Variants in SPATS2 observed in about 807,000 individuals in gnomAD.
SPATS2 encodes spermatogenesis associated serine rich 2, also known as spermatogenesis-associated serine-rich protein 2.
A neutral mutation model predicts 63.7 loss-of-function variants in SPATS2; 38 were observed. That is an observed-to-expected ratio of 0.60 (90% CI 0.46 to 0.78). SPATS2 has a LOEUF of 0.78. Ranked by LOEUF, SPATS2 falls within the 30% of genes least tolerant of loss-of-function variation. SPATS2 has a pLI of 0.00. For synonymous variants in SPATS2, 207 were observed against 232.9 expected (o/e 0.89, Z 1.01); for missense variants, 588 against 666.2 (o/e 0.88, Z 1.29).
At chr12:49,488,520 TG>T (rs1204222342) in intron 4 of SPATS2, among the ~76,000 whole-genome samples, 1 of 151,950 alleles carries the variant, frequency 6.6e-6, no homozygotes, top group African/African-American at 2.4e-5. Context: ...TAGCTGGACG[TG>T]GTGGCACATG....
chr12:49,493,458 G>A (rs1946417386), intron 6 of SPATS2, among the ~76,000 whole-genome samples: 1 of 149,810 alleles, frequency 6.7e-6, no homozygotes, highest in African/African-American at 2.5e-5. Flanking sequence ...CTGGAGTGCA[G>A]TGGTGCAAGC....
chr12:49,510,966 C>T (rs12311319), intron 9 of SPATS2, among the ~76,000 whole-genome samples: 2,047 of 152,214 alleles, frequency 0.013, 47 homozygotes, highest in African/African-American at 0.046. Context: ...TGCCTGTAAT[C>T]CCAGGCAGGC....
At chr12:49,391,683 C>G (rs1411299076) in intron 2 of SPATS2, among the ~76,000 whole-genome samples, 1 of 152,020 alleles carries the variant, frequency 6.6e-6, no homozygotes, top group African/African-American at 2.4e-5. Flanking sequence ...ATATATTATA[C>G]TCATTTATAT....
chr12:49,388,954 A>G (rs189443036), intron 2 of SPATS2, among the ~76,000 whole-genome samples: 1 of 152,224 alleles, frequency 6.6e-6, no homozygotes, highest in African/African-American at 2.4e-5. Flanking sequence ...TTGGCCTACG[A>G]AAGTGCTGGG....
At chr12:49,470,272 T>C (rs1468289649) in intron 3 of SPATS2, among the ~76,000 whole-genome samples, 1 of 152,164 alleles carries the variant, frequency 6.6e-6, no homozygotes, top group Non-Finnish European at 1.5e-5. Flanking sequence ...CCTCAGGAGA[T>C]CCTCCTGCCT....
intron 9 of SPATS2, among the ~76,000 whole-genome samples, chr12:49,503,065 A>G (rs1321274583): frequency 6.6e-6 from 1 of 152,226 alleles, no homozygotes; most frequent in Admixed American, 6.5e-5. Flanking sequence ...TAGAAAATAA[A>G]GAGCTGGCTG....
At chr12:49,512,047 T>C (rs1172643806) in intron 9 of SPATS2, among the ~76,000 whole-genome samples, 1 of 152,236 alleles carries the variant, frequency 6.6e-6, no homozygotes, top group East Asian at 1.9e-4. Context: ...TAAAAATAGG[T>C]CATTCTTCTA....
At chr12:49,382,627 G>C (rs1236075563) in intron 2 of SPATS2, among the ~76,000 whole-genome samples, 2 of 152,170 alleles carry the variant, frequency 1.3e-5, no homozygotes, top group Non-Finnish European at 2.9e-5. Flanking sequence ...AGTAACCTCT[G>C]TTATAAGCCT....
In SPATS2 at chr12:49,450,301, G is replaced by A. The variant is rs372881581; in HGVS notation, c.-243-10469G>A. Among the ~76,000 whole-genome samples the A allele has an allele frequency of 1.3e-4, 20 of 151,600 alleles. 1 individual carries two copies. The East Asian group carries it at 2.3e-3, about 18-fold the overall frequency. On this transcript the variant is annotated intron_variant, in intron 2 of 13. Transcript: ENST00000552918. Reference sequence around the variant, plus strand: ...GTCTCGCTCTTTTGCCCAGGCTGGCGTGCAGTGGCACCATATCGGCTCACT... The same window carrying A: ...GTCTCGCTCTTTTGCCCAGGCTGGCATGCAGTGGCACCATATCGGCTCACT...
chr12:49,479,165 G>A (rs941714680), intron 3 of SPATS2, among the ~76,000 whole-genome samples: 2 of 152,334 alleles, frequency 1.3e-5, no homozygotes, highest in South Asian at 4.1e-4. Context: ...GGGAGAAAGT[G>A]CGTGCCAGTT....
intron 2 of SPATS2, among the ~76,000 whole-genome samples, chr12:49,445,583 T>A (rs1373041288): frequency 6.6e-6 from 1 of 152,106 alleles, no homozygotes; most frequent in Non-Finnish European, 1.5e-5. Context: ...AGTGGCGCGA[T>A]CTTGGGTCAC....
chr12:49,376,092 ATTTTTTTTTT>A (rs749954777), intron 2 of SPATS2, among the ~76,000 whole-genome samples: 8 of 81,080 alleles, frequency 9.9e-5, no homozygotes, highest in South Asian at 8.7e-4. Flanking sequence ...ACCTGGCCTG[ATTTTTTTTTT>A]TTTTTTTTTT....
intron 8 of SPATS2, among the ~76,000 whole-genome samples, chr12:49,497,556 G>A (rs761684286): frequency 6.6e-6 from 1 of 151,876 alleles, no homozygotes; most frequent in African/African-American, 2.4e-5. Flanking sequence ...CACCATGCCC[G>A]GCTATTTTTT....
chr12:49,428,242 G>C lies in SPATS2; in HGVS notation c.-243-32528G>C, dbSNP rs796820591. Reference sequence around the variant, plus strand: ...TGCACTCCAGCCTGGGCTAAGGAGCGAGACCCCGTCTCAAAAAACAAACAA... The same window carrying C: ...TGCACTCCAGCCTGGGCTAAGGAGCCAGACCCCGTCTCAAAAAACAAACAA... On this transcript the variant is annotated intron_variant, in intron 2 of 13. Coordinates refer to ENST00000552918, the MANE Select transcript of SPATS2 (RefSeq NM_023071.4). 1.3e-5 allele frequency among the ~76,000 whole-genome samples: 2 copies of C among 150,472 alleles called. 1 individual carries two copies. Among genetic ancestry groups the C allele is most frequent in the South Asian group, 4.2e-4 (2 of 4,794 alleles).
chr12:49,498,136 A>AT, intron 8 of SPATS2, among the ~76,000 whole-genome samples: 2 of 110,900 alleles, frequency 1.8e-5, no homozygotes, highest in African/African-American at 7.5e-5. Flanking sequence ...TCAAGCCAAA[A>AT]AAAAAAAAAA....
At chr12:49,415,995 C>T (rs180777331) in intron 2 of SPATS2, among the ~76,000 whole-genome samples, 25 of 151,498 alleles carry the variant, frequency 1.7e-4, no homozygotes, top group Non-Finnish European at 2.9e-4. Flanking sequence ...TCCTTTGCTG[C>T]TCAGTGTTAA....
chr12:49,499,381 G>T (rs1946523394), intron 8 of SPATS2, among the ~76,000 whole-genome samples: 1 of 150,234 alleles, frequency 6.7e-6, no homozygotes, highest in African/African-American at 2.5e-5. Flanking sequence ...TCTGGGGATT[G>T]TTCTGCCTGG....
intron 2 of SPATS2, among the ~76,000 whole-genome samples, chr12:49,452,142 A>G (rs940631063): frequency 2.0e-5 from 3 of 152,146 alleles, no homozygotes; most frequent in Non-Finnish European, 4.4e-5. Flanking sequence ...CTGTAGATAC[A>G]TTTAAAAAAA....
chr12:49,389,977 A>G, intron 2 of SPATS2: 2 of 830,156 alleles, frequency 2.4e-6, no homozygotes, highest in Non-Finnish European at 4.3e-6. Flanking sequence ...AGCCATTGAA[A>G]TTGACAAGCA....
Sources: gnomAD v4.1 joint callset for allele counts (sites outside exome capture counted in the v4.1 genomes callset) on GRCh38, gnomAD v4.1.1 for gene constraint, MANE v1.5 for transcripts, NCBI Gene and HGNC (gene_info 2026-07-23, HGNC 2026-07-21) for gene names.